The following ARG2 variants were observed in gnomAD, a reference collection of about 807,000 sequenced individuals.
ARG2 encodes arginase 2, also known as arginase-2, mitochondrial.
Under a neutral mutation model 39.4 loss-of-function variants are expected in ARG2, and 21 were observed. The observed-to-expected ratio is 0.53, with a 90% confidence interval of 0.38 to 0.77. ARG2 has a LOEUF of 0.77. Ranked by LOEUF, ARG2 falls within the 30% of genes least tolerant of loss-of-function variation. ARG2 has a pLI of 0.00. For synonymous variants in ARG2, 150 were observed against 156.7 expected, an observed-to-expected ratio of 0.96 and a Z score of 0.32; for missense variants, 378 against 426.2, an observed-to-expected ratio of 0.89 and a Z score of 1.00.
Position 67,645,793 on chromosome 14 carries a change from A to T in ARG2, c.513A>T (p.Leu171=). The change falls in exon 4 of 8, where the codon CTA becomes CTT. Residue 171 remains leucine, a synonymous_variant. Transcript: ENST00000261783. ...GQPVSFLLRE[L]QDKVPQLPGF... ...CAGTTTCATTTCTCCTCAGAGAACT[A>T]CAGGATAAGGTCAGTGGGCCAAAAC... is the stretch of plus-strand genomic sequence containing the variant. 6.2e-7 allele frequency: 1 copy of T among 1,613,952 alleles called. No homozygotes were observed. The highest frequency in any genetic ancestry group is 8.5e-7 in the Non-Finnish European group (1 of 1,179,896).
intron 5 of ARG2, 85 bp from the exon 6 acceptor site, chr14:67,646,836 C>A: frequency 7.1e-7 from 1 of 1,399,116 alleles, no homozygotes; most frequent in Admixed American, 1.7e-5. Context: ...CAGGTCACTA[C>A]AACAAACCCA....
chr14:67,637,762 CT>C (rs1305972501), intron 2 of ARG2, among the ~76,000 whole-genome samples: 1 of 152,166 alleles, frequency 6.6e-6, no homozygotes, highest in East Asian at 1.9e-4. Context: ...CCTAGAGCAA[CT>C]TTCATATTTT....
At chr14:67,625,013 C>A (rs1179962410) in intron 2 of ARG2, among the ~76,000 whole-genome samples, 1 of 152,132 alleles carries the variant, frequency 6.6e-6, no homozygotes, top group Non-Finnish European at 1.5e-5. Flanking sequence ...TCCTCATAGA[C>A]CATCCCCAGA....
intron 4 of ARG2, 200 bp from the exon 5 acceptor site, chr14:67,646,444 C>A: frequency 1.8e-6 from 1 of 559,814 alleles, no homozygotes; most frequent in Non-Finnish European, 3.2e-6. Flanking sequence ...GAAAGCAATA[C>A]TGTGTTCCTC....
At chr14:67,629,862 G>C (rs2036901583) in intron 2 of ARG2, among the ~76,000 whole-genome samples, 1 of 152,206 alleles carries the variant, frequency 6.6e-6, no homozygotes. Flanking sequence ...GGATCCGATA[G>C]ATACTTGGCA....
chr14:67,646,626 C>A lies in ARG2; in HGVS notation c.523-18C>A, dbSNP rs367905251. On this transcript the variant is annotated intron_variant, in intron 4 of 7. Coordinates refer to ENST00000261783, the MANE Select transcript of ARG2 (RefSeq NM_001172.4). ...ACAAGAATTCTTGATTAATCCTGTC[C>A]ATTTCTCCCTTTCATAGGTACCACA... The A allele has an allele frequency of 1.6e-5, 25 of 1,556,854 alleles. No homozygotes were observed. The highest frequency in any genetic ancestry group is 2.7e-5 in the African/African-American group (2 of 73,534).
chr14:67,625,021 A>C (rs1289205634), intron 2 of ARG2, among the ~76,000 whole-genome samples: 1 of 152,184 alleles, frequency 6.6e-6, no homozygotes, highest in Non-Finnish European at 1.5e-5. Flanking sequence ...GACCATCCCC[A>C]GAAAATTGTC....
In ARG2 at chr14:67,651,115, C is replaced by A; in HGVS notation, c.*195C>A. On this transcript the variant is annotated 3_prime_UTR_variant, in exon 8 of 8. Coordinates refer to ENST00000261783, the MANE Select transcript of ARG2 (RefSeq NM_001172.4). ...TAAATGTATTTGGTTTTTTGCAGTT[C>A]ACAGGGTATTAATATGCTACAGTAC... The A allele has an allele frequency of 1.1e-6, 1 of 914,630 alleles. No individual in the cohort carries two copies. Among genetic ancestry groups the A allele is most frequent in the Non-Finnish European group, 1.6e-6 (1 of 617,744 alleles). The allele number at this position is 914,630 out of a possible 1,614,324, so 56.7% of individuals were successfully genotyped here. A position where few individuals can be genotyped will look rare whatever the true frequency, so the allele number is the denominator to read the frequency against.
chr14:67,631,885 A>G (rs1594824055), intron 2 of ARG2, among the ~76,000 whole-genome samples: 1 of 150,562 alleles, frequency 6.6e-6, no homozygotes, highest in Admixed American at 6.6e-5. Flanking sequence ...TTTTTTTAAA[A>G]ATTTTTTGAG....
chr14:67,650,670 T>G (rs745541391), intron 7 of ARG2, 45 bp from the exon 8 acceptor site: 2 of 1,575,872 alleles, frequency 1.3e-6, no homozygotes, highest in East Asian at 4.5e-5. Context: ...TCACTGAGAG[T>G]AGCAGCAAGG....
chr14:67,646,943 A>T lies in ARG2; in HGVS notation c.640A>T (p.Ile214Phe). The T allele has an allele frequency of 6.2e-7, 1 of 1,607,384 alleles. No homozygotes were observed. The highest frequency in any genetic ancestry group is 8.5e-7 in the Non-Finnish European group (1 of 1,173,940). ...CAGTTTTATTTTAAAGAACTATGATATCCAGTATTTTTCCATGAGAGATAT... is the reference window on the plus strand; with the variant it reads ...CAGTTTTATTTTAAAGAACTATGATTTCCAGTATTTTTCCATGAGAGATAT... ...PEHFILKNYDIQYFSMRDIDR... is the reference protein window; with the variant it reads ...PEHFILKNYDFQYFSMRDIDR... The change falls in exon 6 of 8, where the codon ATC becomes TTC. Residue 214 changes from isoleucine to phenylalanine, a missense_variant. Physicochemically the swap from Ile to Phe is conservative, Grantham distance 21 (BLOSUM62 0). Coordinates refer to ENST00000261783, the MANE Select transcript of ARG2 (RefSeq NM_001172.4).
chr14:67,646,088 GAC>G (rs1397838877), intron 4 of ARG2, among the ~76,000 whole-genome samples: 3 of 152,176 alleles, frequency 2.0e-5, no homozygotes, highest in Non-Finnish European at 2.9e-5. Context: ...CATACTCTCA[GAC>G]ACACTGATCT....
intron 2 of ARG2, among the ~76,000 whole-genome samples, chr14:67,636,447 T>C (rs1594825804): frequency 6.6e-6 from 1 of 152,356 alleles, no homozygotes; most frequent in East Asian, 1.9e-4. Context: ...CACGTATCTG[T>C]AGAGCGTGTA....
intron 2 of ARG2, among the ~76,000 whole-genome samples, chr14:67,640,876 G>C (rs889597632): frequency 6.6e-6 from 1 of 152,216 alleles, no homozygotes; most frequent in Non-Finnish European, 1.5e-5. Context: ...GTAAAGGATA[G>C]AGGTTGAGCG....
At chr14:67,621,019 A>C in intron 2 of ARG2, 53 bp downstream of exon 2, 1 of 1,548,386 alleles carries the variant, frequency 6.5e-7, no homozygotes, top group Non-Finnish European at 8.9e-7. Flanking sequence ...AGACCACTTC[A>C]GAGTCTTTTC....
intron 3 of ARG2, among the ~76,000 whole-genome samples, chr14:67,644,041 C>T (rs2037066461): frequency 6.6e-6 from 1 of 152,128 alleles, no homozygotes. Context: ...GGTCAAGTCT[C>T]ACTGTTTGGG....
intron 2 of ARG2, among the ~76,000 whole-genome samples, chr14:67,625,947 G>A (rs768832189): frequency 6.6e-6 from 1 of 151,918 alleles, no homozygotes; most frequent in Non-Finnish European, 1.5e-5. Flanking sequence ...TAGTCATTAC[G>A]GAAATGCAAA....
intron 2 of ARG2, among the ~76,000 whole-genome samples, chr14:67,623,117 C>G (rs891587365): frequency 2.0e-5 from 3 of 152,138 alleles, no homozygotes; most frequent in African/African-American, 7.2e-5. Flanking sequence ...GTGTAGCTGA[C>G]TGGTAGCTCA....
rs1193704455 is a variant in ARG2, at chr14:67,651,044, T to C, written c.*124T>C. On this transcript the variant is annotated 3_prime_UTR_variant, in exon 8 of 8. Coordinates refer to ENST00000261783, the MANE Select transcript of ARG2 (RefSeq NM_001172.4). ...CCTTAATGAGAACATTTACACATTC[T>C]CACAATTGTAAAGTTTCCCCTCTAT... is the stretch of plus-strand genomic sequence containing the variant. The C allele has an allele frequency of 8.0e-6, 9 of 1,123,180 alleles. No individual in the cohort carries two copies. The East Asian group carries it at 1.0e-4, about 13-fold the overall frequency. 69.6% of individuals were successfully genotyped at this position (1,123,180 alleles called of 1,614,324 possible). A position where few individuals can be genotyped will look rare whatever the true frequency, so the allele number is the denominator to read the frequency against.
Sources: gnomAD v4.1 joint callset for allele counts (sites outside exome capture counted in the v4.1 genomes callset) on GRCh38, gnomAD v4.1.1 for gene constraint, MANE v1.5 for transcripts, NCBI Gene and HGNC (gene_info 2026-07-23, HGNC 2026-07-21) for gene names.